The following PLA2G6 variants were observed in gnomAD, a reference collection of about 807,000 sequenced individuals.
PLA2G6 encodes 85/88 kDa calcium-independent phospholipase A2.
A neutral mutation model predicts 83.8 loss-of-function variants in PLA2G6; 62 were observed. That is an observed-to-expected ratio of 0.74 (90% confidence interval 0.60 to 0.91). The LOEUF is 0.91. Among genes scored for constraint, PLA2G6 ranks in the 40% least tolerant of loss-of-function variants. The pLI, the probability that PLA2G6 is intolerant of heterozygous loss-of-function variation, is 0.00. For synonymous variants in PLA2G6, 417 were observed against 449.8 expected, an observed-to-expected ratio of 0.93 and a Z score of 0.92; for missense variants, 944 against 1,102.0, an observed-to-expected ratio of 0.86 and a Z score of 2.03.
chr22:38,127,869 CAG>C (rs2087963167), intron 9 of PLA2G6, among the ~76,000 whole-genome samples: 1 of 152,182 alleles, frequency 6.6e-6, no homozygotes, highest in African/African-American at 2.4e-5. Context: ...GAGATTCAAA[CAG>C]TGTGATAGAG....
chr22:38,138,355 G>A (rs2088682313), intron 5 of PLA2G6: 1 of 152,384 alleles, frequency 6.6e-6, no homozygotes, highest in African/African-American at 2.4e-5. Context: ...GAGATTCAAG[G>A]AAAGGAGGGT....
intron 2 of PLA2G6, among the ~76,000 whole-genome samples, chr22:38,155,096 G>A (rs963523768): frequency 4.6e-5 from 7 of 152,006 alleles, no homozygotes; most frequent in South Asian, 2.1e-4. Flanking sequence ...GCGTGGTGGC[G>A]GGCGCCTGTA....
intron 2 of PLA2G6, among the ~76,000 whole-genome samples, chr22:38,164,426 A>G (rs1305532840): frequency 6.6e-6 from 1 of 152,214 alleles, no homozygotes; most frequent in Non-Finnish European, 1.5e-5. Context: ...TAATGACCCC[A>G]CCTCGTGGGA....
intron 4 of PLA2G6, chr22:38,141,321 A>T (rs2088890334): frequency 6.6e-6 from 1 of 152,366 alleles, no homozygotes; most frequent in Admixed American, 6.5e-5. Context: ...ACACCACTGC[A>T]CTCCAGCCTG....
intron 12 of PLA2G6, 61 bp from the exon 13 acceptor site, chr22:38,116,272 C>G (rs768593349): frequency 5.1e-6 from 8 of 1,583,778 alleles, no homozygotes; most frequent in Non-Finnish European, 6.9e-6. Flanking sequence ...TTCCCTTTCC[C>G]CACAATTCAC....
intron 1 of PLA2G6, among the ~76,000 whole-genome samples, chr22:38,178,372 A>G (rs1036186982): frequency 1.3e-5 from 2 of 152,102 alleles, no homozygotes; most frequent in African/African-American, 4.8e-5. Context: ...GGACTTTGAG[A>G]CCAGCCTGGG....
intron 2 of PLA2G6, among the ~76,000 whole-genome samples, chr22:38,163,075 G>T (rs1156816661): frequency 2.6e-5 from 4 of 152,166 alleles, no homozygotes; most frequent in African/African-American, 4.8e-5. Context: ...GAAAGTGGCT[G>T]TGTGAGCCTG....
chr22:38,141,334 C>A lies in PLA2G6; in HGVS notation c.610-1165G>T, dbSNP rs560455176. On this transcript the variant is annotated intron_variant, in intron 4 of 16. Transcript: ENST00000332509. ...TCACACCACTGCACTCCAGCCTGGG[C>A]GACAGAGCTAGATGCTGTCTCAAAA... 2.0e-5 allele frequency: 3 copies of A among 152,400 alleles called. No homozygotes were observed. In the East Asian group the frequency reaches 5.8e-4, roughly 29 times the overall value. The allele number at this position is 152,400 out of a possible 1,614,324, so 9.4% of individuals were successfully genotyped here.
chr22:38,113,453 AG>A, intron 15 of PLA2G6, 33 bp downstream of exon 15: 5 of 1,609,060 alleles, frequency 3.1e-6, no homozygotes, highest in East Asian at 2.2e-5. Context: ...ACAGACCCTG[AG>A]GGAAGTGGCC....
Position 38,128,170 on chromosome 22 carries a change from G to T in PLA2G6, c.1348+99C>A. On this transcript the variant is annotated intron_variant, in intron 9 of 16. Transcript: ENST00000332509. This position sits in a 1 kb window ranked among gnomAD's most constrained non-coding sequence, Gnocchi z 4.4. The stretch of plus-strand genomic sequence containing the variant: ...CCCATCCTCCCCGGCTTCCTTTAGT[G>T]ACTTCCGTCCTAGGGATCCTGTTGC... The T allele has an allele frequency of 1.5e-6, 2 of 1,322,728 alleles. No individual in the cohort carries two copies. The highest frequency in any genetic ancestry group is 1.2e-5 in the South Asian group (1 of 83,884). 81.9% of individuals were successfully genotyped at this position (1,322,728 alleles called of 1,614,324 possible).
At chr22:38,145,782 C>CAA (rs1372685560) in intron 2 of PLA2G6, 129 bp from the exon 3 acceptor site, 8 of 603,682 alleles carry the variant, frequency 1.3e-5, no homozygotes, top group Non-Finnish European at 2.1e-5. Flanking sequence ...CCCTCCCAAG[C>CAA]AAACACACAC....
rs1467205008 is a variant in PLA2G6, at chr22:38,143,738, T to TTTTTG, written c.426-455_426-451dup. On this transcript the variant is annotated intron_variant, in intron 3 of 16. Coordinates refer to ENST00000332509, the MANE Select transcript of PLA2G6 (RefSeq NM_003560.4). ...CCTGGAAACTAAAGTGCAGTGAGGG[T>TTTTTG]TTTTGTTTTGTTTTGTTTTTTTGAG... 4.3e-5 allele frequency: 13 copies of TTTTTG among 302,208 alleles called. No individual in the cohort carries two copies. In the East Asian group the frequency reaches 1.1e-3, roughly 25 times the overall value. The allele number at this position is 302,208 out of a possible 1,614,324, so 18.7% of individuals were successfully genotyped here.
chr22:38,152,625 A>C (rs915255879), intron 2 of PLA2G6, among the ~76,000 whole-genome samples: 11 of 152,184 alleles, frequency 7.2e-5, no homozygotes, highest in Admixed American at 1.3e-4. Context: ...CTGAGGAGCC[A>C]TGAGACAAAT....
chr22:38,156,066 A>C (rs1423845976), intron 2 of PLA2G6, among the ~76,000 whole-genome samples: 3 of 152,346 alleles, frequency 2.0e-5, no homozygotes, highest in Middle Eastern at 6.8e-3. Context: ...CAAGACAAAA[A>C]CTATAAAAAG....
chr22:38,159,266 G>A (rs761975542), intron 2 of PLA2G6, among the ~76,000 whole-genome samples: 4 of 152,040 alleles, frequency 2.6e-5, no homozygotes, highest in African/African-American at 4.8e-5. Context: ...TGACAACTTC[G>A]ATAAAATAGA....
chr22:38,151,219 G>A (rs1161517073), intron 2 of PLA2G6, among the ~76,000 whole-genome samples: 14 of 150,706 alleles, frequency 9.3e-5, no homozygotes, highest in Non-Finnish European at 1.9e-4. Flanking sequence ...AGACCTACAC[G>A]AAAGGAAATA....
intron 3 of PLA2G6, 56 bp from the exon 4 acceptor site, chr22:38,143,344 G>A (rs569383323): frequency 6.5e-7 from 1 of 1,547,682 alleles, no homozygotes; most frequent in South Asian, 1.1e-5. Context: ...AAGGTGGCAG[G>A]GGGACCTAAG....
At position 38,132,922 on chromosome 22, in the gene PLA2G6, C is replaced by T. The variant is rs587784363; in HGVS notation, c.986G>A (p.Arg329His). 18 of 1,558,120 alleles carry T rather than the reference C, an allele frequency of 1.2e-5. No individual in the cohort carries two copies. Among genetic ancestry groups the T allele is most frequent in the South Asian group, 2.4e-5 (2 of 84,542 alleles). ...TALHVAVMRNRFDCAIVLLTH... is the reference protein window; with the variant it reads ...TALHVAVMRNHFDCAIVLLTH... The stretch of plus-strand genomic sequence containing the variant: ...CAGCAGCACTATGGCACAGTCGAAG[C>T]GGTTGCGCATCACCGCCACGTGCAG... The change falls in exon 7 of 17, where the codon CGC becomes CAC. Residue 329 changes from arginine to histidine, a missense_variant. Arg to His is a conservative substitution (Grantham distance 29). Coordinates refer to ENST00000332509, the MANE Select transcript of PLA2G6 (RefSeq NM_003560.4). This position sits in a 1 kb window ranked among gnomAD's most constrained non-coding sequence, Gnocchi z 5.0.
chr22:38,112,725 C>T (rs942189634), intron 15 of PLA2G6, 148 bp from the exon 16 acceptor site: 4 of 702,072 alleles, frequency 5.7e-6, no homozygotes, highest in Non-Finnish European at 7.7e-6. Context: ...CAGAGCGGCT[C>T]GGGCAAAACC....
Sources: allele counts gnomAD v4.1 joint callset (sites outside exome capture counted in the v4.1 genomes callset), GRCh38; gene constraint gnomAD v4.1.1; non-coding constraint Gnocchi (gnomAD v3.1); transcripts MANE v1.5; gene names NCBI Gene and HGNC (gene_info 2026-07-23, HGNC 2026-07-21).